MYRFL: variants seen among roughly 807,000 people sequenced by gnomAD.
MYRFL encodes the protein myelin regulatory factor-like protein.
MYRFL carries 88 observed loss-of-function variants against 109.4 expected under a neutral mutation model. That is an observed-to-expected ratio of 0.80 (90% confidence interval 0.68 to 0.96). MYRFL has a LOEUF of 0.96. Among genes scored for constraint, MYRFL ranks in the 40% least tolerant of loss-of-function variants. The pLI is 0.00. For missense variants in MYRFL, 957 were observed against 954.9 expected (o/e 1.00, Z -0.03); for synonymous variants, 324 against 320.9 (o/e 1.01, Z -0.10).
intron 1 of MYRFL, among the ~76,000 whole-genome samples, chr12:69,853,553 G>T (rs1194863648): frequency 2.7e-5 from 4 of 150,318 alleles, no homozygotes; most frequent in Admixed American, 6.6e-5. Context: ...CATCTCAGAC[G>T]ACGGGCGGCC....
chr12:69,897,709 A>G (rs1048868164), intron 10 of MYRFL, among the ~76,000 whole-genome samples: 4 of 152,262 alleles, frequency 2.6e-5, no homozygotes, highest in Non-Finnish European at 5.9e-5. Context: ...AGACTAAGTA[A>G]CTAATCCATG....
intron 16 of MYRFL, among the ~76,000 whole-genome samples, chr12:69,933,342 G>A (rs789566): frequency 0.26 from 39,381 of 151,990 alleles, 5,415 homozygotes; most frequent in Non-Finnish European, 0.32. Flanking sequence ...TCTCTTGCCC[G>A]TCTTCTCTGG....
chr12:69,857,262 T>C (rs999842251), intron 2 of MYRFL, among the ~76,000 whole-genome samples: 1 of 151,940 alleles, frequency 6.6e-6, no homozygotes, highest in Non-Finnish European at 1.5e-5. Flanking sequence ...TTATCTTGAT[T>C]ACTGTACATG....
chr12:69,845,869 C>T (rs1276846921), intron 1 of MYRFL, among the ~76,000 whole-genome samples: 7 of 150,470 alleles, frequency 4.7e-5, no homozygotes, highest in East Asian at 2.0e-4. Context: ...AAGCAAAGCA[C>T]GGAACAAAGT....
intron 2 of MYRFL, among the ~76,000 whole-genome samples, chr12:69,860,221 T>C (rs1282187313): frequency 6.6e-6 from 1 of 152,190 alleles, no homozygotes; most frequent in Non-Finnish European, 1.5e-5. Context: ...CATTTCTGCA[T>C]TAGTTTGCTG....
intron 13 of MYRFL, among the ~76,000 whole-genome samples, chr12:69,921,879 G>A (rs1359798333): frequency 6.6e-6 from 1 of 152,104 alleles, no homozygotes; most frequent in African/African-American, 2.4e-5. Flanking sequence ...GTCCTGTTGA[G>A]GAAAACACTG....
chr12:69,915,023 C>T (rs941086175), intron 13 of MYRFL, among the ~76,000 whole-genome samples: 1 of 152,204 alleles, frequency 6.6e-6, no homozygotes, highest in African/African-American at 2.4e-5. Flanking sequence ...ACTTTGTTTG[C>T]TAGTTTAACC....
intron 11 of MYRFL, among the ~76,000 whole-genome samples, chr12:69,905,394 C>T (rs1421379108): frequency 6.6e-6 from 1 of 152,190 alleles, no homozygotes; most frequent in East Asian, 1.9e-4. Flanking sequence ...AAAGCCTTCT[C>T]CATCTAAATG....
intron 5 of MYRFL, among the ~76,000 whole-genome samples, 192 bp downstream of exon 5, chr12:69,880,484 G>A (rs1348947140): frequency 1.3e-5 from 2 of 152,194 alleles, no homozygotes; most frequent in African/African-American, 4.8e-5. Context: ...GTCCTCCTAG[G>A]AAGAGATGAT....
In MYRFL at chr12:69,880,951, G is replaced by GGTTTTTTTTTTTTTTTTTTTTTTTTTTTT. The variant is rs1555246956; in HGVS notation, c.556+659_556+660insGTTTTTTTTTTTTTTTTTTTTTTTTTTTT. Among the ~76,000 whole-genome samples the GGTTTTTTTTTTTTTTTTTTTTTTTTTTTT allele has an allele frequency of 2.7e-5, 3 of 112,626 alleles. 1 individual carries two copies. Among genetic ancestry groups the GGTTTTTTTTTTTTTTTTTTTTTTTTTTTT allele is most frequent in the African/African-American group, 3.2e-5 (1 of 31,490 alleles). The allele number at this position is 112,626 out of a possible 152,430, so 73.9% of individuals were successfully genotyped here. On this transcript the variant is annotated intron_variant, in intron 5 of 24. Coordinates refer to ENST00000552032, the MANE Select transcript of MYRFL (RefSeq NM_182530.3). Reference sequence around the variant, plus strand: ...TAATGTCCAAGCGGTCAGCCTTCCTGTTTTTTTTTTTTTTTTTTGTCTTAT... The same window carrying GGTTTTTTTTTTTTTTTTTTTTTTTTTTTT: ...TAATGTCCAAGCGGTCAGCCTTCCTGGTTTTTTTTTTTTTTTTTTTTTTTTTTTTTTTTTTTTTTTTTTTTTTGTCTTAT...
chr12:69,940,355 C>T (rs908942506), intron 19 of MYRFL, among the ~76,000 whole-genome samples: 45 of 150,922 alleles, frequency 3.0e-4, no homozygotes, highest in East Asian at 1.8e-3. Context: ...GCGGATCTCT[C>T]GGCAGAAACA....
chr12:69,927,917 C>A (rs1183372024), intron 15 of MYRFL, among the ~76,000 whole-genome samples, 169 bp downstream of exon 15: 2 of 152,128 alleles, frequency 1.3e-5, no homozygotes, highest in African/African-American at 4.8e-5. Flanking sequence ...TATTAAATGG[C>A]TTTTAAAAGC....
At chr12:69,915,465 A>G (rs761402049) in intron 13 of MYRFL, among the ~76,000 whole-genome samples, 2 of 152,330 alleles carry the variant, frequency 1.3e-5, no homozygotes, top group Non-Finnish European at 2.9e-5. Context: ...TCACTTCTGC[A>G]GGTACCTCAC....
At chr12:69,930,089 T>C (rs1362705268) in intron 15 of MYRFL, among the ~76,000 whole-genome samples, 3 of 152,198 alleles carry the variant, frequency 2.0e-5, no homozygotes, top group Non-Finnish European at 4.4e-5. Context: ...TCCTGTGAGG[T>C]TGACTTTTCC....
chr12:69,861,351 T>C (rs1442153317), intron 2 of MYRFL, among the ~76,000 whole-genome samples: 1 of 152,216 alleles, frequency 6.6e-6, no homozygotes, highest in African/African-American at 2.4e-5. Flanking sequence ...TGAACTAGTT[T>C]ACATTCCTAC....
chr12:69,834,758 A>G (rs1882836824), intron 1 of MYRFL, among the ~76,000 whole-genome samples: 1 of 152,220 alleles, frequency 6.6e-6, no homozygotes, highest in Non-Finnish European at 1.5e-5. Flanking sequence ...CATTAATTCC[A>G]GAGAATTTAT....
intron 19 of MYRFL, among the ~76,000 whole-genome samples, chr12:69,940,014 A>T (rs1307124386): frequency 1.3e-5 from 2 of 151,732 alleles, no homozygotes; most frequent in Non-Finnish European, 2.9e-5. Flanking sequence ...AAAGAATAAA[A>T]AGAAATGAGC....
intron 2 of MYRFL, among the ~76,000 whole-genome samples, chr12:69,877,164 C>T (rs1885735874): frequency 6.6e-6 from 1 of 151,872 alleles, no homozygotes; most frequent in Non-Finnish European, 1.5e-5. Context: ...GCTGGGACTA[C>T]AGGCGGCTGC....
intron 3 of MYRFL, 44 bp downstream of exon 3, chr12:69,879,139 CCTCCTCG>C (rs779716835): frequency 0.053 from 37,182 of 702,880 alleles, 1,098 homozygotes; most frequent in South Asian, 0.07. Context: ...TGTTGCTCTT[CCTCCTCG>C]ACTCTGGGCC....
Sources: gnomAD v4.1 joint callset for allele counts (sites outside exome capture counted in the v4.1 genomes callset) on GRCh38, gnomAD v4.1.1 for gene constraint, MANE v1.5 for transcripts, NCBI Gene and HGNC (gene_info 2026-07-23, HGNC 2026-07-21) for gene names.